PIAS4: variants seen among roughly 807,000 people sequenced by gnomAD.
PIAS4 encodes the protein protein inhibitor of activated STAT 4, also known as E3 SUMO-protein ligase PIAS4.
In PIAS4, 7 loss-of-function variants were observed where a neutral mutation model predicts 58.0. The ratio of observed to expected loss-of-function variants is 0.12; its 90% confidence interval spans 0.07 to 0.23. The LOEUF is 0.23. Among genes scored for constraint, PIAS4 ranks in the 10% least tolerant of loss-of-function variants. The pLI is 1.00. For synonymous variants in PIAS4, 364 were observed against 312.4 expected (o/e 1.17, Z -1.74); for missense variants, 550 against 709.5 (o/e 0.78, Z 2.55).
chr19:4,013,033 G>A lies in PIAS4; in HGVS notation c.138G>A (p.Val46=). The A allele has an allele frequency of 6.2e-7, 1 of 1,613,630 alleles. No individual in the cohort carries two copies. The highest frequency in any genetic ancestry group is 1.1e-5 in the South Asian group (1 of 91,082). The change falls in exon 2 of 11, where the codon GTG becomes GTA. Residue 46 remains valine (V), a synonymous_variant. Coordinates refer to ENST00000262971, the MANE Select transcript of PIAS4 (RefSeq NM_015897.4). The surrounding 1 kb of genome is among the most constrained non-coding windows in gnomAD (Gnocchi z 5.1). ...HELVTRALQL[V]QFDCSPELFK... Reference sequence around the variant, plus strand: ...TCGTCACCAGGGCCCTCCAGCTGGTGCAGTTTGACTGTAGCCCTGAGCTGT... The same window carrying A: ...TCGTCACCAGGGCCCTCCAGCTGGTACAGTTTGACTGTAGCCCTGAGCTGT...
rs771465294 is a variant in PIAS4, at chr19:4,037,489, G to T, written c.1258G>T (p.Ala420Ser). ...EKERSCSPQG[A>S]ILVLGPSDAN... is the part of the protein sequence containing the mutation. Reference sequence around the variant, plus strand: ...GGAGCGCAGCTGCAGCCCGCAGGGCGCCATCCTCGTGCTGGGTGAGTGCCT... The same window carrying T: ...GGAGCGCAGCTGCAGCCCGCAGGGCTCCATCCTCGTGCTGGGTGAGTGCCT... The change falls in exon 10 of 11, where the codon GCC (alanine) becomes TCC (serine). Residue 420 changes from alanine (A) to serine (S), a missense_variant. Physicochemically the swap from Ala to Ser is moderately conservative, Grantham distance 99. Coordinates refer to ENST00000262971, the MANE Select transcript of PIAS4 (RefSeq NM_015897.4). The surrounding 1 kb of genome is among the most constrained non-coding windows in gnomAD (Gnocchi z 5.8). The T allele has an allele frequency of 6.2e-6, 10 of 1,610,510 alleles. No homozygotes were observed. Among genetic ancestry groups the T allele is most frequent in the Non-Finnish European group, 8.5e-6 (10 of 1,179,476 alleles).
Position 4,033,147 on chromosome 19 carries a change from G to C in PIAS4, c.955G>C (p.Gly319Arg), listed in dbSNP as rs1455270610. The C allele has an allele frequency of 6.2e-7, 1 of 1,610,684 alleles. No individual in the cohort carries two copies. The highest frequency in any genetic ancestry group is 1.3e-5 in the African/African-American group (1 of 74,940). The change falls in exon 8 of 11, where the codon GGT (glycine) becomes CGT (arginine). Residue 319 changes from glycine to arginine, a missense_variant. Gly to Arg is a moderately radical substitution (Grantham distance 125, BLOSUM62 -2). Transcript: ENST00000262971. ...TCCTGACAGCGAGATCGCCACCACC[G>C]GTGTGCGGGTGTCCCTCATCTGTCC... ...LDPDSEIATT[G>R]VRVSLICPLV...
At chr19:4,026,218 T>C (rs2040163041) in intron 3 of PIAS4, among the ~76,000 whole-genome samples, 1 of 145,420 alleles carries the variant, frequency 6.9e-6, no homozygotes, top group African/African-American at 2.7e-5. Flanking sequence ...CTGCAACTTC[T>C]GCCTCCCAGG....
rs537380523 is a variant in PIAS4, at chr19:4,014,995, C to T, written c.454+1646C>T. ...GGCTCCTCCCTCCAGCCTGAGGCTC[C>T]GCCTTCCAAGTGAGGCTCCGCCTCC... On this transcript the variant is annotated intron_variant, in intron 2 of 10. Transcript: ENST00000262971. Among the ~76,000 whole-genome samples the T allele has an allele frequency of 9.1e-4, 139 of 152,310 alleles. 1 individual carries two copies. Among genetic ancestry groups the T allele is most frequent in the South Asian group, 2.3e-3 (11 of 4,826 alleles).
chr19:4,015,287 C>T (rs577332579), intron 2 of PIAS4, among the ~76,000 whole-genome samples: 12 of 152,262 alleles, frequency 7.9e-5, no homozygotes, highest in African/African-American at 2.4e-4. Context: ...TGGTCCAGGG[C>T]GGGGGACGGG....
chr19:4,028,208 G>T, intron 4 of PIAS4, 21 bp downstream of exon 4: 1 of 1,606,430 alleles, frequency 6.2e-7, no homozygotes. Flanking sequence ...GTGTGCCCGC[G>T]ACCCCAGGGC....
Position 4,013,466 on chromosome 19 carries a change from G to A in PIAS4, c.454+117G>A. 1 of 908,430 alleles carries A rather than the reference G, an allele frequency of 1.1e-6. No individual in the cohort carries two copies. Among genetic ancestry groups the A allele is most frequent in the Non-Finnish European group, 1.7e-6 (1 of 601,558 alleles). The allele number at this position is 908,430 out of a possible 1,614,324, so 56.3% of individuals were successfully genotyped here. ...TGTTCTCTGTGGCGCAGCCAGGGCG[G>A]GGAGCCACAGTGGCCAGGGGTGTCC... On this transcript the variant is annotated intron_variant, in intron 2 of 10. Transcript: ENST00000262971. This position sits in a 1 kb window ranked among gnomAD's most constrained non-coding sequence, Gnocchi z 5.1.
rs978891313 is a variant in PIAS4, at chr19:4,013,878, A to G, written c.454+529A>G. Among the ~76,000 whole-genome samples, 3 of 152,014 alleles carry G rather than the reference A, an allele frequency of 2.0e-5. No individual in the cohort carries two copies. The highest frequency in any genetic ancestry group is 7.2e-5 in the African/African-American group (3 of 41,396). On this transcript the variant is annotated intron_variant, in intron 2 of 10. Coordinates refer to ENST00000262971, the MANE Select transcript of PIAS4 (RefSeq NM_015897.4). The surrounding 1 kb of genome is among the most constrained non-coding windows in gnomAD (Gnocchi z 5.1). Reference sequence around the variant, plus strand: ...CAAGCTGGGAGCTGGAGCCCTTTTTATAACCCAACCTCGGACACGCCTCGC... The same window carrying G: ...CAAGCTGGGAGCTGGAGCCCTTTTTGTAACCCAACCTCGGACACGCCTCGC...
intron 7 of PIAS4, among the ~76,000 whole-genome samples, chr19:4,030,254 C>T (rs992002664): frequency 5.5e-5 from 8 of 144,358 alleles, no homozygotes; most frequent in South Asian, 2.3e-4. Flanking sequence ...TGGCCACTTT[C>T]GCACCTGGTC....
chr19:4,026,672 T>A (rs1429172178), intron 3 of PIAS4, among the ~76,000 whole-genome samples: 1 of 151,940 alleles, frequency 6.6e-6, no homozygotes, highest in East Asian at 1.9e-4. Context: ...AATCACATAC[T>A]ATGTGGCTTT....
rs551620165 is a variant in PIAS4 at position 4,015,357 on chromosome 19, G to A, written c.454+2008G>A. Reference sequence around the variant, plus strand: ...GCTCCGTCCCACAATACATCGCTGTGCCCTGAGCCACCAGGGACCCCGGTC... The same window carrying A: ...GCTCCGTCCCACAATACATCGCTGTACCCTGAGCCACCAGGGACCCCGGTC... On this transcript the variant is annotated intron_variant, in intron 2 of 10. Coordinates refer to ENST00000262971, the MANE Select transcript of PIAS4 (RefSeq NM_015897.4). Among the ~76,000 whole-genome samples, 4 of 152,226 alleles carry A rather than the reference G, an allele frequency of 2.6e-5. No individual in the cohort carries two copies. The South Asian group carries it at 8.3e-4, about 32-fold the overall frequency.
At chr19:4,035,157 G>A (rs973010295) in intron 9 of PIAS4, among the ~76,000 whole-genome samples, 2 of 152,144 alleles carry the variant, frequency 1.3e-5, no homozygotes, top group African/African-American at 2.4e-5. Flanking sequence ...GAGAGAGCTC[G>A]GCGGGGCGGA....
At chr19:4,034,446 A>ACAG (rs1485783540) in intron 9 of PIAS4, among the ~76,000 whole-genome samples, 1 of 152,198 alleles carries the variant, frequency 6.6e-6, no homozygotes, top group Admixed American at 6.5e-5. Flanking sequence ...AGACGAGGAA[A>ACAG]CAGGCTCAGA....
intron 2 of PIAS4, chr19:4,017,751 C>G (rs1442898642): frequency 7.2e-6 from 1 of 137,940 alleles, no homozygotes; most frequent in Non-Finnish European, 1.5e-5. Flanking sequence ...GCGATCTTGG[C>G]TTACTACAGC....
chr19:4,036,089 C>G (rs1185340931), intron 9 of PIAS4, among the ~76,000 whole-genome samples: 2 of 118,480 alleles, frequency 1.7e-5, no homozygotes, highest in Admixed American at 8.7e-5. Context: ...CCGTACAGTC[C>G]ACACCGTCAT....
chr19:4,021,742 C>CTTTT (rs776416490), intron 2 of PIAS4, among the ~76,000 whole-genome samples: 28 of 104,074 alleles, frequency 2.7e-4, no homozygotes, highest in Non-Finnish European at 3.4e-4. Flanking sequence ...TTTTCTTTTT[C>CTTTT]TTTTTTTTTT....
intron 8 of PIAS4, 90 bp from the exon 9 acceptor site, chr19:4,033,330 C>T (rs1035886738): frequency 8.1e-6 from 11 of 1,362,466 alleles, no homozygotes; most frequent in East Asian, 2.5e-5. Context: ...GTGATTGGAG[C>T]GAGCCACAGG....
At chr19:4,026,332 C>G (rs1348370134) in intron 3 of PIAS4, among the ~76,000 whole-genome samples, 4 of 146,284 alleles carry the variant, frequency 2.7e-5, no homozygotes, top group African/African-American at 1.1e-4. Context: ...AGGGTTTCAC[C>G]ATGTTGGCCA....
chr19:4,015,231 T>TG (rs2040039851), intron 2 of PIAS4, among the ~76,000 whole-genome samples: 1 of 152,166 alleles, frequency 6.6e-6, no homozygotes, highest in African/African-American at 2.4e-5. Flanking sequence ...GGGAAGGACC[T>TG]GCATCACAGG....
Sources: allele counts gnomAD v4.1 joint callset (sites outside exome capture counted in the v4.1 genomes callset), GRCh38; gene constraint gnomAD v4.1.1; non-coding constraint Gnocchi (gnomAD v3.1); transcripts MANE v1.5; gene names NCBI Gene and HGNC (gene_info 2026-07-23, HGNC 2026-07-21).